The following DIS3 variants were observed in gnomAD, a reference collection of about 807,000 sequenced individuals.
DIS3 encodes the protein DIS3 exosome endoribonuclease and 3'-5' exoribonuclease.
Under a neutral mutation model 113.0 loss-of-function variants are expected in DIS3, and 103 were observed. The observed-to-expected ratio is 0.91, with a 90% CI of 0.78 to 1.07. The LOEUF (loss-of-function observed/expected upper bound fraction) is 1.07, where lower values mean the gene tolerates loss of function less well. DIS3 is among the 50% of genes least tolerant of loss of function. DIS3 has a pLI of 0.00. For missense variants in DIS3, 1,121 were observed against 1,167.1 expected, an observed-to-expected ratio of 0.96 and a Z score of 0.58; for synonymous variants, 402 against 394.3, an observed-to-expected ratio of 1.02 and a Z score of -0.23.
At chr13:72,769,496 CTT>C (rs199556690) in intron 13 of DIS3, among the ~76,000 whole-genome samples, 17 of 141,486 alleles carry the variant, frequency 1.2e-4, no homozygotes, top group Admixed American at 2.1e-4. Flanking sequence ...ATTTTTTTTC[CTT>C]TTTTTTTTTT....
rs2033948032 is a variant in DIS3, at chr13:72,773,954, T to C, written c.1093A>G (p.Ile365Val). ...PYCGMLSKSDIKESRRHLFTP... is the reference protein window; with the variant it reads ...PYCGMLSKSDVKESRRHLFTP... ...AAATGCTCTTTACTCACCTCCTTAA[T>C]GTCAGACTTGGAAAGCATGCCACAA... The change falls in exon 7 of 21, where the codon ATT (isoleucine) becomes GTT (valine). Residue 365 changes from isoleucine to valine, a missense_variant. By Grantham distance (29) the Ile-to-Val change is conservative (BLOSUM62 3). Coordinates refer to ENST00000377767, the MANE Select transcript of DIS3 (RefSeq NM_014953.5). The C allele has an allele frequency of 6.2e-7, 1 of 1,608,036 alleles. No homozygotes were observed. The highest frequency in any genetic ancestry group is 8.5e-7 in the Non-Finnish European group (1 of 1,177,922).
At chr13:72,773,088 C>T (rs963040720) in intron 8 of DIS3, among the ~76,000 whole-genome samples, 2 of 152,164 alleles carry the variant, frequency 1.3e-5, no homozygotes, top group Admixed American at 1.3e-4. Context: ...AAATGTGCTT[C>T]CAATATAATC....
intron 4 of DIS3, 31 bp downstream of exon 4, chr13:72,777,389 T>A (rs750279784): frequency 6.2e-7 from 1 of 1,606,840 alleles, no homozygotes; most frequent in African/African-American, 1.3e-5. Flanking sequence ...TTTTAATATT[T>A]TTACTTTTCA....
Position 72,761,739 on chromosome 13 carries a change from G to A in DIS3, c.2418C>T (p.Asp806=). Residue 806 remains aspartate, a synonymous_variant, in exon 18 of 21, where the codon GAC becomes GAT. Coordinates refer to ENST00000377767, the MANE Select transcript of DIS3 (RefSeq NM_014953.5). Reference sequence around the variant, plus strand: ...TACATATATCTGCAAGCTTGTGTTTGTCTGTCAACTCTGGATAAGTACAGT... The same window carrying A: ...TACATATATCTGCAAGCTTGTGTTTATCTGTCAACTCTGGATAAGTACAGT... ...GADCTYPELT[D]KHKLADICKN... 1.2e-6 allele frequency: 2 copies of A among 1,613,790 alleles called. No individual in the cohort carries two copies. The highest frequency in any genetic ancestry group is 1.7e-6 in the Non-Finnish European group (2 of 1,179,976).
chr13:72,770,735 G>T (rs1484983079), intron 13 of DIS3, among the ~76,000 whole-genome samples, 169 bp downstream of exon 13: 1 of 151,680 alleles, frequency 6.6e-6, no homozygotes, highest in Non-Finnish European at 1.5e-5. Context: ...TCTATTTTAG[G>T]TTAAGTAAAT....
In DIS3 at chr13:72,756,063, C is replaced by CTT. The variant is rs1408511487; in HGVS notation, c.*3730_*3731dup. ...TATATACAACTATTTTTTTAAAAAA[C>CTT]TTATATCCATGTTGGGAGTAGATGG... On this transcript the variant is annotated 3_prime_UTR_variant, in exon 21 of 21. Coordinates refer to ENST00000377767, the MANE Select transcript of DIS3 (RefSeq NM_014953.5). 1 of 396,480 alleles carries CTT rather than the reference C, an allele frequency of 2.5e-6. No homozygotes were observed. Among genetic ancestry groups the CTT allele is most frequent in the African/African-American group, 2.1e-5 (1 of 48,296 alleles). 24.6% of individuals were successfully genotyped at this position (396,480 alleles called of 1,614,324 possible).
At chr13:72,776,700 T>C (rs1166751117) in intron 4 of DIS3, among the ~76,000 whole-genome samples, 1 of 152,226 alleles carries the variant, frequency 6.6e-6, no homozygotes, top group Non-Finnish European at 1.5e-5. Context: ...TTATTATTGC[T>C]AAACATTATA....
intron 6 of DIS3, 53 bp from the exon 7 acceptor site, chr13:72,774,112 C>A: frequency 1.6e-6 from 2 of 1,277,920 alleles, no homozygotes; most frequent in African/African-American, 1.5e-5. Context: ...TATTATCAGG[C>A]AATTTCCTTT....
Position 72,770,975 on chromosome 13 carries a change from A to G in DIS3, c.1684T>C (p.Cys562Arg). 6.2e-7 allele frequency: 1 copy of G among 1,601,780 alleles called. No homozygotes were observed. Among genetic ancestry groups the G allele is most frequent in the Non-Finnish European group, 8.5e-7 (1 of 1,173,390 alleles). Residue 562 changes from cysteine to arginine, a missense_variant, in exon 13 of 21, where the codon TGT (cysteine) becomes CGT (arginine). By Grantham distance (180) the Cys-to-Arg change is radical (BLOSUM62 -3). Around this residue, in one of 3 missense-constraint regions of DIS3, gnomAD observed 861 missense variants for 915.5 expected, o/e 0.94. Coordinates refer to ENST00000377767, the MANE Select transcript of DIS3 (RefSeq NM_014953.5). The stretch of plus-strand genomic sequence containing the variant: ...GCATTGTGATTCATTTCCCAAATAC[A>G]TGAAAATGCCAGCCTGTGAAGGAAA... ...KCDVDRLAFS[C>R]IWEMNHNAEI...
intron 2 of DIS3, among the ~76,000 whole-genome samples, chr13:72,779,153 C>T (rs1429483546): frequency 6.7e-6 from 1 of 148,828 alleles, no homozygotes; most frequent in African/African-American, 2.5e-5. Flanking sequence ...CAGAGTCTTG[C>T]TCTGTAGCTC....
At chr13:72,777,656 C>G (rs2034049602) in intron 3 of DIS3, among the ~76,000 whole-genome samples, 163 bp from the exon 4 acceptor site, 1 of 152,110 alleles carries the variant, frequency 6.6e-6, no homozygotes, top group Admixed American at 6.5e-5. Context: ...GGCGCAATTA[C>G]ACATCACTAC....
chr13:72,761,840 A>G, intron 17 of DIS3, 26 bp from the exon 18 acceptor site: 2 of 1,609,520 alleles, frequency 1.2e-6, no homozygotes, highest in South Asian at 1.1e-5. Flanking sequence ...AATAAGAACC[A>G]TGGTATGTCA....
Position 72,780,963 on chromosome 13 carries a change from A to C in DIS3, c.269T>G (p.Val90Gly). The change falls in exon 2 of 21, where the codon GTG becomes GGG. Residue 90 changes from valine (V) to glycine (G), a missense_variant. Around this residue, in one of 3 missense-constraint regions of DIS3, gnomAD observed 254 missense variants for 232.2 expected, o/e 1.09. Coordinates refer to ENST00000377767, the MANE Select transcript of DIS3 (RefSeq NM_014953.5). ...LEDPAIRNVI[V>G]LQTVLQEVRN... Reference sequence around the variant, plus strand: ...CACTTCTTGAAGAACTGTTTGTAGCACAATTACATTCCTGATGGCAGGGTC... The same window carrying C: ...CACTTCTTGAAGAACTGTTTGTAGCCCAATTACATTCCTGATGGCAGGGTC... 6.2e-7 allele frequency: 1 copy of C among 1,612,980 alleles called. No homozygotes were observed. The highest frequency in any genetic ancestry group is 8.5e-7 in the Non-Finnish European group (1 of 1,179,752).
intron 13 of DIS3, 148 bp downstream of exon 13, chr13:72,770,756 T>C: frequency 2.6e-6 from 1 of 383,712 alleles, no homozygotes; most frequent in Non-Finnish European, 4.6e-6. Flanking sequence ...ATACATATAA[T>C]TATACATAAC....
Position 72,772,708 on chromosome 13 carries a change from C to A in DIS3, c.1371G>T (p.Trp457Cys). The A allele has an allele frequency of 6.2e-7, 1 of 1,611,166 alleles. No homozygotes were observed. The highest frequency in any genetic ancestry group is 8.5e-7 in the Non-Finnish European group (1 of 1,179,270). ...AVLSFLPKMPWSITEKDMKNR... is the reference protein window; with the variant it reads ...AVLSFLPKMPCSITEKDMKNR... ...TTCAACTTACCTTTTCAGTAATGCT[C>A]CAGGGCATCTTTGGCAGAAAACTAA... The change falls in exon 9 of 21, where the codon TGG (tryptophan) becomes TGT (cysteine). Residue 457 changes from tryptophan to cysteine, a missense_variant. This residue lies in a region of DIS3 where 861 missense variants were observed against 915.5 expected (regional missense o/e 0.94). Transcript: ENST00000377767.
At position 72,771,854 on chromosome 13, in the gene DIS3, C is replaced by T. The variant is rs757804539; in HGVS notation, c.1546G>A (p.Gly516Arg). ...IADVSHFIRP[G>R]NALDQESARR... Reference sequence around the variant, plus strand: ...GCTGATTCTTGATCCAAGGCATTTCCTGGCCTAATAAAATGGCTCACATCA... The same window carrying T: ...GCTGATTCTTGATCCAAGGCATTTCTTGGCCTAATAAAATGGCTCACATCA... The change falls in exon 11 of 21, where the codon GGA becomes AGA. Residue 516 changes from glycine to arginine, a missense_variant. Around this residue, in one of 3 missense-constraint regions of DIS3, gnomAD observed 861 missense variants for 915.5 expected, o/e 0.94. Transcript: ENST00000377767. The T allele has an allele frequency of 2.5e-6, 4 of 1,613,650 alleles. No homozygotes were observed. The African/African-American group carries it at 5.3e-5, about 22-fold the overall frequency.
Position 72,774,019 on chromosome 13 carries a change from C to T in DIS3, c.1028G>A (p.Gly343Asp). Residue 343 changes from glycine to aspartate, a missense_variant, in exon 7 of 21, where the codon GGT becomes GAT. Transcript: ENST00000377767. The part of the protein sequence containing the change: ...AVSEKMLKPT[G>D]RVVGIIKRNW... ...CCTTTTTATTATTCCTACAACTCTA[C>T]CTGTAGGCTTCAACATTTTCTCGCT... 1 of 1,610,240 alleles carries T rather than the reference C, an allele frequency of 6.2e-7. No homozygotes were observed. The highest frequency in any genetic ancestry group is 8.5e-7 in the Non-Finnish European group (1 of 1,179,126).
chr13:72,775,402 C>G, intron 5 of DIS3, 27 bp from the exon 6 acceptor site: 15 of 1,554,112 alleles, frequency 9.7e-6, no homozygotes, highest in Non-Finnish European at 1.2e-5. Context: ...AGGGCACGTG[C>G]CCAAATTATT....
Position 72,773,835 on chromosome 13 carries a change from G to A in DIS3, c.1102-14C>T. 3 of 1,600,394 alleles carry A rather than the reference G, an allele frequency of 1.9e-6. No homozygotes were observed. Among genetic ancestry groups the A allele is most frequent in the Non-Finnish European group, 2.5e-6 (3 of 1,176,680 alleles). On this transcript the variant is annotated splice_polypyrimidine_tract_variant and intron_variant, in intron 7 of 20. Transcript: ENST00000377767. The stretch of plus-strand genomic sequence containing the variant: ...ATGTCTTCTTGACTAGCAAAAATTA[G>A]GAATAAAGATTTTACACAAAAAAAA...
Sources: allele counts gnomAD v4.1 joint callset (sites outside exome capture counted in the v4.1 genomes callset), GRCh38; gene constraint gnomAD v4.1.1; regional missense constraint gnomAD v4.1.1; transcripts MANE v1.5; gene names NCBI Gene and HGNC (gene_info 2026-07-23, HGNC 2026-07-21).